Variants in ATP8B4 observed in about 807,000 individuals in gnomAD.
The protein encoded by ATP8B4 is probable phospholipid-transporting ATPase IM.
Under a neutral mutation model 145.6 loss-of-function variants are expected in ATP8B4, and 133 were observed. The ratio of observed to expected loss-of-function variants is 0.91; its 90% CI spans 0.79 to 1.05. ATP8B4 has a LOEUF of 1.05. Among genes scored for constraint, ATP8B4 ranks in the 50% least tolerant of loss-of-function variants. ATP8B4 has a pLI of 0.00. For missense variants in ATP8B4, 1,458 were observed against 1,425.2 expected (o/e 1.02, Z -0.37); for synonymous variants, 507 against 492.9 (o/e 1.03, Z -0.38).
chr15:50,150,836 G>A (rs1257699940), intron 1 of ATP8B4, among the ~76,000 whole-genome samples: 1 of 152,202 alleles, frequency 6.6e-6, no homozygotes, highest in Non-Finnish European at 1.5e-5. Context: ...TTTGAGACAT[G>A]AACCTGGGCT....
chr15:50,014,053 A>T (rs2153574065), intron 6 of ATP8B4, among the ~76,000 whole-genome samples: 1 of 152,282 alleles, frequency 6.6e-6, no homozygotes, highest in South Asian at 2.1e-4. Context: ...CTTGAGAAAC[A>T]AAAGAGGGGA....
intron 14 of ATP8B4, among the ~76,000 whole-genome samples, chr15:49,950,603 C>CAAAAAAAA (rs1175818563): frequency 1.4e-5 from 1 of 72,550 alleles, no homozygotes; most frequent in Non-Finnish European, 2.9e-5. Context: ...AAAAAAAAAA[C>CAAAAAAAA]AAACAAACAA....
intron 13 of ATP8B4, among the ~76,000 whole-genome samples, chr15:49,972,041 A>G (rs943671649): frequency 8.5e-5 from 13 of 152,186 alleles, no homozygotes; most frequent in Admixed American, 8.5e-4. Context: ...CAAACACCGC[A>G]TATTCTCACT....
chr15:49,950,601 AACAAAC>A (rs1367880080), intron 14 of ATP8B4, among the ~76,000 whole-genome samples: 1 of 86,956 alleles, frequency 1.2e-5, no homozygotes, highest in African/African-American at 3.8e-5. Flanking sequence ...AAAAAAAAAA[AACAAAC>A]AAACAAACAA....
chr15:50,106,703 T>C (rs2056697936), intron 2 of ATP8B4, among the ~76,000 whole-genome samples: 1 of 152,156 alleles, frequency 6.6e-6, no homozygotes, highest in Non-Finnish European at 1.5e-5. Flanking sequence ...ACAGTGAGTG[T>C]AGAAAGAATG....
At chr15:50,125,009 A>G (rs889118105) in intron 1 of ATP8B4, among the ~76,000 whole-genome samples, 8 of 152,108 alleles carry the variant, frequency 5.3e-5, no homozygotes, top group East Asian at 1.9e-4. Context: ...CAAGAGAAAC[A>G]CTCCCTAAAA....
intron 25 of ATP8B4, among the ~76,000 whole-genome samples, chr15:49,871,524 T>C (rs2033660473): frequency 6.6e-6 from 1 of 152,186 alleles, no homozygotes; most frequent in South Asian, 2.1e-4. Context: ...GTATCACTCA[T>C]GGTGGTGATG....
chr15:49,898,948 T>C (rs939994314), intron 21 of ATP8B4, among the ~76,000 whole-genome samples: 28 of 152,206 alleles, frequency 1.8e-4, no homozygotes, highest in Admixed American at 7.2e-4. Flanking sequence ...CTGTGCAATT[T>C]TTTTTTCCTA....
upstream of ATP8B4, among the ~76,000 whole-genome samples, chr15:50,122,626 G>A (rs1345622208): frequency 6.6e-6 from 1 of 152,160 alleles, no homozygotes. Context: ...CTAAACAGCA[G>A]AGAAGTAGCT....
At chr15:49,927,354 C>G (rs1282359781) in intron 16 of ATP8B4, among the ~76,000 whole-genome samples, 1 of 152,040 alleles carries the variant, frequency 6.6e-6, no homozygotes, top group African/African-American at 2.4e-5. Context: ...TCAGCAGCAA[C>G]AGAAGCAATG....
chr15:49,996,989 A>AT (rs1450915832), intron 8 of ATP8B4, among the ~76,000 whole-genome samples: 1 of 152,080 alleles, frequency 6.6e-6, no homozygotes, highest in Non-Finnish European at 1.5e-5. Context: ...CAACACAATG[A>AT]TCTGTTTTGC....
rs745972773 is a variant in ATP8B4 at position 50,038,744 on chromosome 15, T to A, written c.362+24A>T. 1.4e-5 allele frequency: 23 copies of A among 1,594,056 alleles called. No homozygotes were observed. In the South Asian group the frequency reaches 2.3e-4, roughly 16 times the overall value. ...TTCAGGGTCCTAGAAATTTTCAGAATAACCCACAGAATGTATTTCTTACTT... is the reference window on the plus strand; with the variant it reads ...TTCAGGGTCCTAGAAATTTTCAGAAAAACCCACAGAATGTATTTCTTACTT... On this transcript the variant is annotated intron_variant, in intron 6 of 27. Transcript: ENST00000284509.
intron 14 of ATP8B4, among the ~76,000 whole-genome samples, chr15:49,959,882 T>C (rs931180614): frequency 6.6e-6 from 1 of 151,918 alleles, no homozygotes; most frequent in Non-Finnish European, 1.5e-5. Flanking sequence ...CCTAAGATAA[T>C]CAATAAATTT....
intron 7 of ATP8B4, among the ~76,000 whole-genome samples, chr15:50,005,101 A>G (rs2048202790): frequency 1.3e-5 from 2 of 152,182 alleles, no homozygotes; most frequent in Admixed American, 1.3e-4. Flanking sequence ...CACCTATCAT[A>G]TGCCCCATAT....
chr15:50,013,192 G>A (rs1162755644), intron 6 of ATP8B4, among the ~76,000 whole-genome samples: 2 of 152,056 alleles, frequency 1.3e-5, no homozygotes, highest in African/African-American at 4.8e-5. Context: ...ATTTTAGCTT[G>A]TATGGTGATT....
intron 23 of ATP8B4, among the ~76,000 whole-genome samples, chr15:49,883,918 TTC>T (rs1359502617): frequency 2.6e-5 from 4 of 152,196 alleles, no homozygotes; most frequent in African/African-American, 9.7e-5. Context: ...TTTCACCCCA[TTC>T]TCTCATGAGT....
chr15:50,148,109 C>T (rs1392153452), intron 1 of ATP8B4, among the ~76,000 whole-genome samples: 2 of 152,120 alleles, frequency 1.3e-5, no homozygotes, highest in Non-Finnish European at 2.9e-5. Context: ...AAGGACAGAA[C>T]ACCACTTCTT....
At chr15:50,178,902 T>G (rs2044803354) in intron 1 of ATP8B4, among the ~76,000 whole-genome samples, 1 of 152,116 alleles carries the variant, frequency 6.6e-6, no homozygotes, top group African/African-American at 2.4e-5. Context: ...ACTAGAAAAA[T>G]TAAGAAGTCG....
chr15:50,112,515 G>C (rs962721391), intron 1 of ATP8B4, among the ~76,000 whole-genome samples: 1 of 152,044 alleles, frequency 6.6e-6, no homozygotes, highest in African/African-American at 2.4e-5. Context: ...CTCCTTCTAT[G>C]CTCCTTTCTC....
Sources: allele counts gnomAD v4.1 joint callset (sites outside exome capture counted in the v4.1 genomes callset), GRCh38; gene constraint gnomAD v4.1.1; transcripts MANE v1.5; gene names NCBI Gene and HGNC (gene_info 2026-07-23, HGNC 2026-07-21).